MEF2C: variants seen among roughly 807,000 people sequenced by gnomAD.
MEF2C encodes myocyte enhancer factor 2C.
A neutral mutation model predicts 50.5 loss-of-function variants in MEF2C; 6 were observed. The ratio of observed to expected loss-of-function variants is 0.12; its 90% CI spans 0.07 to 0.23. The LOEUF is 0.23. Among genes scored for constraint, MEF2C ranks in the 10% least tolerant of loss-of-function variants. The pLI is 1.00. For missense variants in MEF2C, 276 were observed against 605.0 expected (o/e 0.46, Z 5.70); for synonymous variants, 183 against 228.0 (o/e 0.80, Z 1.78).
chr5:88,886,631 A>G (rs1176016177), upstream of MEF2C, among the ~76,000 whole-genome samples: 1 of 152,162 alleles, frequency 6.6e-6, no homozygotes, highest in Non-Finnish European at 1.5e-5. Flanking sequence ...TTAAAAGAAA[A>G]TTATGTCTGG....
rs184437218 is a variant in MEF2C, at chr5:88,724,205, G to T, written c.1101-1280C>A. On this transcript the variant is annotated intron_variant, in intron 10 of 10. Coordinates refer to ENST00000504921, the MANE Select transcript of MEF2C (RefSeq NM_002397.5). ...ACTTACTAATGTATGTAATTATGCT[G>T]CTTTCCAGTGGAGAGAATTAGTTGG... 6.6e-5 allele frequency among the ~76,000 whole-genome samples: 10 copies of T among 152,216 alleles called. No individual in the cohort carries two copies. The East Asian group carries it at 1.7e-3, about 26-fold the overall frequency.
At chr5:88,734,963 G>T (rs934039213) in intron 6 of MEF2C, 2 of 985,140 alleles carry the variant, frequency 2.0e-6, no homozygotes. Context: ...GTGAATTTCT[G>T]CTGTTTTTAG....
chr5:88,801,223 ATGG>A (rs973525780), intron 3 of MEF2C, among the ~76,000 whole-genome samples: 5 of 152,162 alleles, frequency 3.3e-5, no homozygotes, highest in Non-Finnish European at 5.9e-5. Flanking sequence ...AATGGTCCAA[ATGG>A]GAAATATAAA....
chr5:88,769,420 C>A (rs1187726111), intron 3 of MEF2C, among the ~76,000 whole-genome samples: 3 of 152,074 alleles, frequency 2.0e-5, no homozygotes, highest in Non-Finnish European at 4.4e-5. Flanking sequence ...TGTAAGGATT[C>A]TTCCGCCAAA....
intron 3 of MEF2C, among the ~76,000 whole-genome samples, chr5:88,802,512 T>C (rs535986966): frequency 6.6e-6 from 1 of 152,320 alleles, no homozygotes; most frequent in Admixed American, 6.5e-5. Context: ...AGAGGCACAA[T>C]CTAGGCTCAC....
At position 88,835,074 on chromosome 5, in the gene MEF2C, A is replaced by C. The variant is rs542604066; in HGVS notation, c.-142-11144T>G. Among the ~76,000 whole-genome samples the C allele has an allele frequency of 1.0e-3, 156 of 152,346 alleles. 1 individual carries two copies. The highest frequency in any genetic ancestry group is 3.6e-3 in the African/African-American group (149 of 41,584). ...AGCATCCCTCTTCCCTTGAAATGTG[A>C]GTATTTCATGATGGCAATGGCCACT... On this transcript the variant is annotated intron_variant, in intron 1 of 10. Coordinates refer to ENST00000504921, the MANE Select transcript of MEF2C (RefSeq NM_002397.5).
At position 88,729,403 on chromosome 5, in the gene MEF2C, T is replaced by C. The variant is rs994579123; in HGVS notation, c.835-56A>G. 35 of 1,446,552 alleles carry C rather than the reference T, an allele frequency of 2.4e-5. No homozygotes were observed. The African/African-American group carries it at 3.1e-4, about 13-fold the overall frequency. The allele number at this position is 1,446,552 out of a possible 1,614,324, so 89.6% of individuals were successfully genotyped here. A position where few individuals can be genotyped will look rare whatever the true frequency, so the allele number is the denominator to read the frequency against. Reference sequence around the variant, plus strand: ...TGAATTTTTTTAAAAGTTAAAAATATTAGATTTCAGTATTAGTTTTCCACA... The same window carrying C: ...TGAATTTTTTTAAAAGTTAAAAATACTAGATTTCAGTATTAGTTTTCCACA... On this transcript the variant is annotated intron_variant, in intron 8 of 10. Transcript: ENST00000504921.
intron 1 of MEF2C, among the ~76,000 whole-genome samples, chr5:88,844,420 G>A (rs1055255121): frequency 1.3e-5 from 2 of 152,166 alleles, no homozygotes; most frequent in African/African-American, 4.8e-5. Flanking sequence ...GTCAAAGTCC[G>A]AAATCAGTTG....
At chr5:88,880,774 T>C (rs193092898) in intron 1 of MEF2C, 50 of 152,128 alleles carry the variant, frequency 3.3e-4, no homozygotes, top group African/African-American at 1.1e-3. Context: ...AGTTATCTAG[T>C]ATTAATGTGC....
intron 10 of MEF2C, 45 bp from the exon 11 acceptor site, chr5:88,722,970 A>C: frequency 6.8e-7 from 1 of 1,467,354 alleles, no homozygotes; most frequent in South Asian, 1.3e-5. Context: ...GGAGGCCTGG[A>C]GGCCCCAGGA....
intron 6 of MEF2C, chr5:88,734,114 A>ATGTCATC: frequency 1.0e-6 from 1 of 984,750 alleles, no homozygotes; most frequent in Non-Finnish European, 1.2e-6. Flanking sequence ...TATATTTAAT[A>ATGTCATC]TGTCATCCTG....
In MEF2C at chr5:88,749,289, C is replaced by T. The variant is rs935400929; in HGVS notation, c.590-172G>A. ...TTTATTGTGCCATGCTGTGCTCAAA[C>T]GTTAAAAATACATTCAATCACTGAC... On this transcript the variant is annotated intron_variant, in intron 5 of 10. Coordinates refer to ENST00000504921, the MANE Select transcript of MEF2C (RefSeq NM_002397.5). The T allele has an allele frequency of 1.5e-5, 14 of 956,782 alleles. No individual in the cohort carries two copies. In the African/African-American group the frequency reaches 1.6e-4, roughly 11 times the overall value. 59.3% of individuals were successfully genotyped at this position (956,782 alleles called of 1,614,324 possible).
In MEF2C at chr5:88,717,399, C is replaced by T. The variant is rs1755097555; in HGVS notation, c.*5205G>A. On this transcript the variant is annotated 3_prime_UTR_variant, in exon 11 of 11. Coordinates refer to ENST00000504921, the MANE Select transcript of MEF2C (RefSeq NM_002397.5). ...CCCTCATAGCACTTTGTAGACTTCC[C>T]TGAGAATGCCTTTTATCTCCTATTA... 6.6e-6 allele frequency: 1 copy of T among 152,208 alleles called. No individual in the cohort carries two copies. The highest frequency in any genetic ancestry group is 1.5e-5 in the Non-Finnish European group (1 of 68,040). 9.4% of individuals were successfully genotyped at this position (152,208 alleles called of 1,614,324 possible). A position where few individuals can be genotyped will look rare whatever the true frequency, so the allele number is the denominator to read the frequency against.
At chr5:88,883,716 T>C (rs1323405918), upstream of MEF2C, 1 of 151,992 alleles carries the variant, frequency 6.6e-6, no homozygotes, top group Non-Finnish European at 1.5e-5. Context: ...CCGTTGACTC[T>C]TTCCTCGCGA....
intron 3 of MEF2C, chr5:88,772,635 T>A: frequency 1.5e-6 from 1 of 685,886 alleles, no homozygotes; most frequent in African/African-American, 1.9e-5. Flanking sequence ...CAATTCTGGA[T>A]TGTGAACACA....
chr5:88,838,498 C>T, intron 1 of MEF2C: 1 of 910,672 alleles, frequency 1.1e-6, no homozygotes, highest in Non-Finnish European at 1.3e-6. Flanking sequence ...AAAGAATTGT[C>T]TTCCTGATAA....
chr5:88,741,876 C>A, intron 6 of MEF2C: 2 of 985,318 alleles, frequency 2.0e-6, no homozygotes, highest in Non-Finnish European at 2.4e-6. Flanking sequence ...GAACACTTAG[C>A]ACCTTTTGGA....
At chr5:88,737,527 A>C in intron 6 of MEF2C, 1 of 985,432 alleles carries the variant, frequency 1.0e-6, no homozygotes, top group Non-Finnish European at 1.2e-6. Context: ...GGTTGTCGTT[A>C]TATCAAGGTA....
At chr5:88,771,598 C>T (rs1251220469) in intron 3 of MEF2C, 13 of 985,284 alleles carry the variant, frequency 1.3e-5, no homozygotes, top group Non-Finnish European at 1.6e-5. Flanking sequence ...TGGTCCCTAA[C>T]ACAGGGCTTG....
Sources: gnomAD v4.1 joint callset for allele counts (sites outside exome capture counted in the v4.1 genomes callset) on GRCh38, gnomAD v4.1.1 for gene constraint, MANE v1.5 for transcripts, NCBI Gene and HGNC (gene_info 2026-07-23, HGNC 2026-07-21) for gene names.